The following P2RY2 variants were observed in gnomAD, a reference collection of about 807,000 sequenced individuals.
P2RY2 encodes the protein purinergic receptor P2Y2.
For missense variants in P2RY2, 567 were observed against 515.7 expected (o/e 1.10, Z -0.96); for synonymous variants, 241 against 231.9 (o/e 1.04, Z -0.35).
Position 73,233,435 on chromosome 11 carries a change from T to A in P2RY2, c.-4-721T>A, listed in dbSNP as rs566006275. ...CTGCAGGGGGCTGTTGGATGCCCAC[T>A]GGCCAGAAATGCCTCTGCAGGCAGT... On this transcript the variant is annotated intron_variant, in intron 2 of 2. Coordinates refer to ENST00000393597, the MANE Select transcript of P2RY2 (RefSeq NM_002564.4). Among the ~76,000 whole-genome samples, 15 of 152,352 alleles carry A rather than the reference T, an allele frequency of 9.8e-5. No individual in the cohort carries two copies. In the East Asian group the frequency reaches 2.9e-3, roughly 29 times the overall value.
intron 2 of P2RY2, among the ~76,000 whole-genome samples, chr11:73,229,021 A>AT (rs1862370697): frequency 7.0e-6 from 1 of 142,360 alleles, no homozygotes; most frequent in Non-Finnish European, 1.6e-5. Context: ...TCATTCATTC[A>AT]TTCTCTCATT....
In P2RY2 at chr11:73,235,452, T is replaced by G; in HGVS notation, c.*159T>G. The G allele has an allele frequency of 7.2e-7, 1 of 1,394,404 alleles. No homozygotes were observed. The highest frequency in any genetic ancestry group is 9.3e-7 in the Non-Finnish European group (1 of 1,072,562). 86.4% of individuals were successfully genotyped at this position (1,394,404 alleles called of 1,614,324 possible). ...ACAGGGGCTCAGGATATTCACTCTG[T>G]GGTCCAGAGTCAACTGTTCCCATAA... On this transcript the variant is annotated 3_prime_UTR_variant, in exon 3 of 3. Transcript: ENST00000393597.
rs1009745113 is a variant in P2RY2 at position 73,234,233 on chromosome 11, G to A, written c.74G>A (p.Cys25Tyr). Reference sequence around the variant, plus strand: ...GATGGGGATGAGCTGGGCTACAGGTGCCGCTTCAACGAGGACTTCAAGTAC... The same window carrying A: ...GATGGGGATGAGCTGGGCTACAGGTACCGCTTCAACGAGGACTTCAAGTAC... ...TWDGDELGYR[C>Y]RFNEDFKYVL... Residue 25 changes from cysteine (C) to tyrosine (Y), a missense_variant, in exon 3 of 3, where the codon TGC (cysteine) becomes TAC (tyrosine). Transcript: ENST00000393597. The A allele has an allele frequency of 6.2e-7, 1 of 1,614,204 alleles. No homozygotes were observed. Among genetic ancestry groups the A allele is most frequent in the Non-Finnish European group, 8.5e-7 (1 of 1,180,040 alleles).
chr11:73,235,034 G>C lies in P2RY2; in HGVS notation c.875G>C (p.Arg292Pro). Residue 292 changes from arginine to proline, a missense_variant, in exon 3 of 3, where the codon CGG becomes CCG. Coordinates refer to ENST00000393597, the MANE Select transcript of P2RY2 (RefSeq NM_002564.4). ...ATCAACATGGCCTACAAGGTTACCC[G>C]GCCGCTGGCCAGTGCTAACAGTTGC... ...NAINMAYKVTRPLASANSCLD... is the reference protein window; with the variant it reads ...NAINMAYKVTPPLASANSCLD... The C allele has an allele frequency of 1.2e-6, 2 of 1,608,280 alleles. No individual in the cohort carries two copies. Among genetic ancestry groups the C allele is most frequent in the Non-Finnish European group, 1.7e-6 (2 of 1,179,958 alleles).
At chr11:73,226,146 C>T (rs1293104069) in intron 1 of P2RY2, among the ~76,000 whole-genome samples, 1 of 152,134 alleles carries the variant, frequency 6.6e-6, no homozygotes, top group Non-Finnish European at 1.5e-5. Flanking sequence ...ACTGGTTGGA[C>T]TAACAGGGCT....
At chr11:73,226,422 G>C (rs1591629888) in intron 1 of P2RY2, among the ~76,000 whole-genome samples, 1 of 152,100 alleles carries the variant, frequency 6.6e-6, no homozygotes, top group East Asian at 1.9e-4. Flanking sequence ...GGAGCTACCA[G>C]CCCACCGGCC....
intron 2 of P2RY2, among the ~76,000 whole-genome samples, chr11:73,229,068 T>C (rs990737189): frequency 6.6e-6 from 1 of 152,098 alleles, no homozygotes; most frequent in Non-Finnish European, 1.5e-5. Context: ...TCCTGCTGGA[T>C]GATAGGGACA....
intron 2 of P2RY2, among the ~76,000 whole-genome samples, chr11:73,231,989 G>T (rs1591636368): frequency 6.6e-6 from 1 of 152,198 alleles, no homozygotes; most frequent in East Asian, 1.9e-4. Flanking sequence ...GGCAGAGGTT[G>T]CAGTGAGCCG....
chr11:73,236,964 C>G lies in P2RY2; in HGVS notation c.*1671C>G, dbSNP rs1293456727. On this transcript the variant is annotated 3_prime_UTR_variant, in exon 3 of 3. Coordinates refer to ENST00000393597, the MANE Select transcript of P2RY2 (RefSeq NM_002564.4). ...ATCTCAAGGACAGGGACTCCCTCCT[C>G]TCCCTCTGGGAGAGCCCTCGCCCTG... 1 of 985,326 alleles carries G rather than the reference C, an allele frequency of 1.0e-6. No individual in the cohort carries two copies. The highest frequency in any genetic ancestry group is 1.1e-4 in the East Asian group (1 of 8,790). The allele number at this position is 985,326 out of a possible 1,614,324, so 61.0% of individuals were successfully genotyped here.
chr11:73,234,621 C>A lies in P2RY2; in HGVS notation c.462C>A (p.Ala154=), dbSNP rs139591958. The change falls in exon 3 of 3, where the codon GCC becomes GCA. Residue 154 remains alanine (A), a synonymous_variant. Transcript: ENST00000393597. ...GGGCCCGCTACGCTCGCCGGGTGGC[C>A]GGGGCCGTGTGGGTGTTGGTGCTGG... ...WGRARYARRV[A]GAVWVLVLAC... is the part of the protein sequence containing the mutation. The A allele has an allele frequency of 7.2e-4, 1,130 of 1,567,900 alleles. 2 individuals are homozygous for A. The highest frequency in any genetic ancestry group is 1.7e-3 in the Middle Eastern group (10 of 5,806).
Position 73,234,974 on chromosome 11 carries a change from G to A in P2RY2, c.815G>A (p.Arg272His). ...ACCCGCACCCTCTACTACTCCTTCC[G>A]CTCGCTGGACCTCAGCTGCCACACC... ...HVTRTLYYSF[R>H]SLDLSCHTLN... Residue 272 changes from arginine (R) to histidine (H), a missense_variant, in exon 3 of 3, where the codon CGC becomes CAC. Physicochemically the swap from Arg to His is conservative, Grantham distance 29. Transcript: ENST00000393597. 1.9e-6 allele frequency: 3 copies of A among 1,610,348 alleles called. No homozygotes were observed. The highest frequency in any genetic ancestry group is 1.1e-5 in the South Asian group (1 of 91,078).
chr11:73,229,626 A>G (rs529069471), intron 2 of P2RY2, among the ~76,000 whole-genome samples: 118 of 152,164 alleles, frequency 7.8e-4, no homozygotes, highest in Non-Finnish European at 1.5e-3. Context: ...TGGAGTCCCC[A>G]GCTGGCCTGG....
chr11:73,226,715 G>A (rs1862288388), intron 1 of P2RY2, among the ~76,000 whole-genome samples: 1 of 152,094 alleles, frequency 6.6e-6, no homozygotes, highest in African/African-American at 2.4e-5. Flanking sequence ...GTGGAGGGTG[G>A]GACCTGCCCA....
At position 73,240,521 on chromosome 11, in the gene P2RY2, A is replaced by C. The variant is rs749561732; in HGVS notation, c.*5228A>C. 3 of 152,190 alleles carry C rather than the reference A, an allele frequency of 2.0e-5. No homozygotes were observed. Among genetic ancestry groups the C allele is most frequent in the Non-Finnish European group, 4.4e-5 (3 of 68,068 alleles). 9.4% of individuals were successfully genotyped at this position (152,190 alleles called of 1,614,324 possible). ...ATCACGTGAGACTCCTGGGAGACACAACCAGTTGGAATGAGTTTTCCCTCC... is the reference window on the plus strand; with the variant it reads ...ATCACGTGAGACTCCTGGGAGACACCACCAGTTGGAATGAGTTTTCCCTCC... On this transcript the variant is annotated 3_prime_UTR_variant, in exon 3 of 3. Coordinates refer to ENST00000393597, the MANE Select transcript of P2RY2 (RefSeq NM_002564.4).
Position 73,237,079 on chromosome 11 carries a change from G to A in P2RY2, c.*1786G>A. 1.0e-6 allele frequency: 1 copy of A among 985,216 alleles called. No individual in the cohort carries two copies. The highest frequency in any genetic ancestry group is 1.2e-6 in the Non-Finnish European group (1 of 829,880). The allele number at this position is 985,216 out of a possible 1,614,324, so 61.0% of individuals were successfully genotyped here. ...ACATCCCCAAAGCTTGCTGTATTTG[G>A]AGCCTGACTCCACAGCGCCCTCATG... On this transcript the variant is annotated 3_prime_UTR_variant, in exon 3 of 3. Transcript: ENST00000393597.
At chr11:73,224,011 G>C (rs1290707490) in intron 1 of P2RY2, among the ~76,000 whole-genome samples, 1 of 152,128 alleles carries the variant, frequency 6.6e-6, no homozygotes, top group African/African-American at 2.4e-5. Flanking sequence ...CAGGATCCTA[G>C]GGGGGTCCCA....
intron 2 of P2RY2, among the ~76,000 whole-genome samples, chr11:73,232,757 T>C (rs1565141772): frequency 6.6e-6 from 1 of 152,110 alleles, no homozygotes; most frequent in African/African-American, 2.4e-5. Flanking sequence ...GTTTGAAAAA[T>C]GTTAGCTCCT....
At chr11:73,225,275 C>T (rs1862245927) in intron 1 of P2RY2, among the ~76,000 whole-genome samples, 1 of 152,220 alleles carries the variant, frequency 6.6e-6, no homozygotes, top group African/African-American at 2.4e-5. Context: ...TGACTTTGGC[C>T]TCACTAGCCT....
Position 73,235,400 on chromosome 11 carries a change from C to T in P2RY2, c.*107C>T, listed in dbSNP as rs1301529767. ...AGATATGGACCATCAGTGACTCATGCTGGATGACCCCATGCTCCGTCATTT... is the reference window on the plus strand; with the variant it reads ...AGATATGGACCATCAGTGACTCATGTTGGATGACCCCATGCTCCGTCATTT... On this transcript the variant is annotated 3_prime_UTR_variant, in exon 3 of 3. Transcript: ENST00000393597. 3.4e-5 allele frequency: 51 copies of T among 1,482,090 alleles called. No individual in the cohort carries two copies. Among genetic ancestry groups the T allele is most frequent in the Non-Finnish European group, 4.5e-5 (50 of 1,116,478 alleles). 91.8% of individuals were successfully genotyped at this position (1,482,090 alleles called of 1,614,324 possible).
Sources: allele counts gnomAD v4.1 joint callset (sites outside exome capture counted in the v4.1 genomes callset), GRCh38; gene constraint gnomAD v4.1.1; transcripts MANE v1.5; gene names NCBI Gene and HGNC (gene_info 2026-07-23, HGNC 2026-07-21).